CAMTA1: variants seen among roughly 807,000 people sequenced by gnomAD.
CAMTA1 encodes calmodulin-binding transcription activator 1.
CAMTA1 carries 27 observed loss-of-function variants against 170.9 expected under a neutral mutation model. The observed-to-expected ratio is 0.16, with a 90% confidence interval of 0.12 to 0.22. The LOEUF (loss-of-function observed/expected upper bound fraction) is 0.22. Among genes scored for constraint, CAMTA1 ranks in the 10% least tolerant of loss-of-function variants. The pLI, the probability that CAMTA1 is intolerant of heterozygous loss-of-function variation, is 1.00. For synonymous variants in CAMTA1, 833 were observed against 891.5 expected, an observed-to-expected ratio of 0.93 and a Z score of 1.17; for missense variants, 1,619 against 2,217.2, an observed-to-expected ratio of 0.73 and a Z score of 5.42.
chr1:6,837,121 T>C (rs1363064804), intron 3 of CAMTA1, among the ~76,000 whole-genome samples: 2 of 152,008 alleles, frequency 1.3e-5, no homozygotes, highest in Middle Eastern at 3.2e-3. Flanking sequence ...ACCCGGCTAA[T>C]TTTTTTGTAT....
At chr1:6,835,901 A>G (rs1238501495) in intron 3 of CAMTA1, among the ~76,000 whole-genome samples, 2 of 152,176 alleles carry the variant, frequency 1.3e-5, no homozygotes, top group Non-Finnish European at 2.9e-5. Context: ...GGCAGTGGAG[A>G]GGGCATATAG....
At chr1:6,976,274 A>C (rs1319310800) in intron 3 of CAMTA1, among the ~76,000 whole-genome samples, 1 of 152,170 alleles carries the variant, frequency 6.6e-6, no homozygotes, top group African/African-American at 2.4e-5. Flanking sequence ...GTCAAGGAGA[A>C]CTCATCAGCA....
At chr1:6,879,401 T>C (rs1670832771) in intron 3 of CAMTA1, among the ~76,000 whole-genome samples, 1 of 152,196 alleles carries the variant, frequency 6.6e-6, no homozygotes, top group South Asian at 2.1e-4. Flanking sequence ...AATTAAATCT[T>C]AGCTGCTCTG....
At chr1:7,661,937 T>C in intron 8 of CAMTA1, 71 bp downstream of exon 8, 1 of 1,512,548 alleles carries the variant, frequency 6.6e-7, no homozygotes, top group Non-Finnish European at 8.9e-7. Context: ...CCGTCATGGC[T>C]GTCCTCTGTG....
In CAMTA1 at chr1:7,108,429, G is replaced by A. The variant is rs147839157; in HGVS notation, c.302+17058G>A. 2.0e-3 allele frequency among the ~76,000 whole-genome samples: 298 copies of A among 152,262 alleles called. 3 individuals carry two copies. The highest frequency in any genetic ancestry group is 7.0e-3 in the African/African-American group (291 of 41,550). On this transcript the variant is annotated intron_variant, in intron 4 of 22. Coordinates refer to ENST00000303635, the MANE Select transcript of CAMTA1 (RefSeq NM_015215.4). Reference sequence around the variant, plus strand: ...TCTGTTCCAAACCGCAGACCCAGATGGCCCTGGGCTCTGTACGCACACAGC... The same window carrying A: ...TCTGTTCCAAACCGCAGACCCAGATAGCCCTGGGCTCTGTACGCACACAGC...
At chr1:7,643,154 A>G (rs1447123956) in intron 7 of CAMTA1, among the ~76,000 whole-genome samples, 4 of 149,966 alleles carry the variant, frequency 2.7e-5, no homozygotes, top group Non-Finnish European at 4.4e-5. Context: ...CCTGCTCAAA[A>G]CAAGTCTTCA....
chr1:7,678,120 C>G (rs4908677), intron 11 of CAMTA1, among the ~76,000 whole-genome samples: 1 of 152,012 alleles, frequency 6.6e-6, no homozygotes, highest in Non-Finnish European at 1.5e-5. Flanking sequence ...CCTGTTTCCG[C>G]GGGCTCCTGG....
At chr1:7,358,069 G>T (rs917884679) in intron 5 of CAMTA1, among the ~76,000 whole-genome samples, 1 of 152,168 alleles carries the variant, frequency 6.6e-6, no homozygotes. Flanking sequence ...TCTTTGTGGA[G>T]GGGGGGAATG....
intron 11 of CAMTA1, among the ~76,000 whole-genome samples, chr1:7,721,217 G>T (rs909225150): frequency 6.6e-6 from 1 of 152,216 alleles, no homozygotes; most frequent in Non-Finnish European, 1.5e-5. Context: ...AGGGCAAAAT[G>T]TGGAAGGTTT....
rs1666185194 is a variant in CAMTA1, at chr1:7,248,589, G to A, written c.303-902G>A. Among the ~76,000 whole-genome samples the A allele has an allele frequency of 6.6e-6, 1 of 152,166 alleles. No individual in the cohort carries two copies. Among genetic ancestry groups the A allele is most frequent in the Non-Finnish European group, 1.5e-5 (1 of 68,046 alleles). ...TTTATTCTGAAAGTGGTTTATCACA[G>A]CACTTGCCCTCAGCTGCTAGAGGGG... On this transcript the variant is annotated intron_variant, in intron 4 of 22. Coordinates refer to ENST00000303635, the MANE Select transcript of CAMTA1 (RefSeq NM_015215.4). This position sits in a 1 kb window ranked among gnomAD's most constrained non-coding sequence, Gnocchi z 4.0.
intron 4 of CAMTA1, among the ~76,000 whole-genome samples, chr1:7,127,631 G>A (rs890325371): frequency 1.3e-5 from 2 of 152,152 alleles, no homozygotes; most frequent in Non-Finnish European, 2.9e-5. Context: ...AACTGACTCC[G>A]TGCCAAGCAG....
intron 6 of CAMTA1, among the ~76,000 whole-genome samples, chr1:7,556,364 A>G (rs1256856265): frequency 6.6e-6 from 1 of 152,170 alleles, no homozygotes; most frequent in African/African-American, 2.4e-5. Flanking sequence ...CAGTCCCTCC[A>G]GGTTCAGCAA....
At chr1:7,414,546 A>G (rs1375092809) in intron 5 of CAMTA1, among the ~76,000 whole-genome samples, 1 of 152,170 alleles carries the variant, frequency 6.6e-6, no homozygotes, top group Non-Finnish European at 1.5e-5. Flanking sequence ...TTATTTGCGT[A>G]GAGGTGTTTG....
At chr1:7,310,663 C>CT (rs1557490968) in intron 5 of CAMTA1, among the ~76,000 whole-genome samples, 36 of 29,340 alleles carry the variant, frequency 1.2e-3, no homozygotes, top group African/African-American at 1.9e-3. Context: ...TTCTTTCTTT[C>CT]TTTCTTTCCT....
intron 4 of CAMTA1, among the ~76,000 whole-genome samples, chr1:7,098,003 C>G (rs1299305957): frequency 6.6e-6 from 1 of 152,130 alleles, no homozygotes; most frequent in Non-Finnish European, 1.5e-5. Flanking sequence ...TTTTATGTTA[C>G]CTATATTTTA....
chr1:7,127,245 G>A (rs1644988934), intron 4 of CAMTA1, among the ~76,000 whole-genome samples: 3 of 122,548 alleles, frequency 2.4e-5, no homozygotes, highest in African/African-American at 1.0e-4. Context: ...AGGCCAGAGG[G>A]GCTTTTTTTT....
intron 4 of CAMTA1, among the ~76,000 whole-genome samples, chr1:7,242,879 A>G (rs1369335381): frequency 6.6e-6 from 1 of 152,040 alleles, no homozygotes; most frequent in African/African-American, 2.4e-5. Flanking sequence ...GGAGAATGGC[A>G]TGAACCCAGA....
intron 1 of CAMTA1, among the ~76,000 whole-genome samples, chr1:6,803,849 G>A (rs561737960): frequency 6.6e-6 from 1 of 152,270 alleles, no homozygotes; most frequent in East Asian, 1.9e-4. Context: ...CAAGTGGTTA[G>A]GAGTACAGGC....
intron 3 of CAMTA1, among the ~76,000 whole-genome samples, chr1:6,874,922 G>A (rs773473799): frequency 1.3e-5 from 2 of 152,148 alleles, no homozygotes; most frequent in African/African-American, 2.4e-5. Flanking sequence ...GGGAGGCTTC[G>A]TTGTCCTCTT....
Sources: allele counts gnomAD v4.1 joint callset (sites outside exome capture counted in the v4.1 genomes callset), GRCh38; gene constraint gnomAD v4.1.1; non-coding constraint Gnocchi (gnomAD v3.1); transcripts MANE v1.5; gene names NCBI Gene and HGNC (gene_info 2026-07-23, HGNC 2026-07-21).